The following PTPRK variants were observed in gnomAD, a reference collection of about 807,000 sequenced individuals.
The protein encoded by PTPRK is protein tyrosine phosphatase receptor type K.
PTPRK carries 75 observed loss-of-function variants against 178.0 expected under a neutral mutation model. The observed-to-expected ratio is 0.42, with a 90% confidence interval of 0.35 to 0.51. The LOEUF is 0.51. PTPRK is among the 20% of genes least tolerant of loss of function. PTPRK has a pLI of 0.02. For synonymous variants in PTPRK, 637 were observed against 620.6 expected (o/e 1.03, Z -0.39); for missense variants, 1,441 against 1,797.8 (o/e 0.80, Z 3.59).
chr6:128,165,899 T>TA (rs1211801758), intron 7 of PTPRK, among the ~76,000 whole-genome samples: 3 of 151,594 alleles, frequency 2.0e-5, no homozygotes, highest in East Asian at 3.9e-4. Flanking sequence ...AACATATACG[T>TA]AAAAAACATT....
intron 1 of PTPRK, among the ~76,000 whole-genome samples, chr6:128,410,969 G>T (rs751169480): frequency 1.3e-5 from 2 of 152,180 alleles, no homozygotes; most frequent in Non-Finnish European, 2.9e-5. Context: ...TTGGCTCACT[G>T]CAGCCTCAAC....
chr6:127,998,609 C>G (rs1777451806), intron 16 of PTPRK, 111 bp downstream of exon 16: 1 of 807,240 alleles, frequency 1.2e-6, no homozygotes, highest in African/African-American at 1.8e-5. Context: ...GATTAGAGAG[C>G]CTATAGAACA....
chr6:128,370,635 G>T lies in PTPRK; in HGVS notation c.223+26931C>A, dbSNP rs183793407. ...TAAAACTGTTAGGTTTTAAATTCAG[G>T]ATTATCACATGATAGTTCAAATTTT... is the stretch of plus-strand genomic sequence containing the variant. On this transcript the variant is annotated intron_variant, in intron 2 of 29. Coordinates refer to ENST00000368226, the MANE Select transcript of PTPRK (RefSeq NM_002844.4). Among the ~76,000 whole-genome samples, 83 of 151,960 alleles carry T rather than the reference G, an allele frequency of 5.5e-4. 1 individual carries two copies. Among genetic ancestry groups the T allele is most frequent in the Admixed American group, 9.2e-4 (14 of 15,264 alleles).
chr6:128,033,824 T>C (rs1288654606), intron 13 of PTPRK, among the ~76,000 whole-genome samples: 1 of 151,720 alleles, frequency 6.6e-6, no homozygotes, highest in African/African-American at 2.4e-5. Context: ...TAGTTAGCTA[T>C]AACACTCTAG....
At chr6:128,429,414 T>G (rs1460825275) in intron 1 of PTPRK, among the ~76,000 whole-genome samples, 1 of 152,176 alleles carries the variant, frequency 6.6e-6, no homozygotes, top group Non-Finnish European at 1.5e-5. Flanking sequence ...GCCTATGACC[T>G]CCAGGTGACT....
intron 3 of PTPRK, among the ~76,000 whole-genome samples, chr6:128,284,660 A>G (rs1415126964): frequency 6.6e-6 from 1 of 152,238 alleles, no homozygotes; most frequent in Non-Finnish European, 1.5e-5. Context: ...TACAGAAAAG[A>G]TGCATTTATA....
At chr6:128,136,479 C>T (rs1795032251) in intron 7 of PTPRK, among the ~76,000 whole-genome samples, 1 of 151,970 alleles carries the variant, frequency 6.6e-6, no homozygotes, top group Non-Finnish European at 1.5e-5. Context: ...TAGGCTCTTA[C>T]TTTTGATTCA....
chr6:128,383,854 A>G (rs1838302803), intron 2 of PTPRK, among the ~76,000 whole-genome samples: 1 of 152,224 alleles, frequency 6.6e-6, no homozygotes, highest in African/African-American at 2.4e-5. Context: ...CAAAATCATT[A>G]GTAGATTACA....
At chr6:128,426,100 T>C (rs561168924) in intron 1 of PTPRK, among the ~76,000 whole-genome samples, 24 of 152,226 alleles carry the variant, frequency 1.6e-4, no homozygotes, top group Non-Finnish European at 3.5e-4. Context: ...ACTAGTATTC[T>C]TGGTGAAATA....
At chr6:128,203,957 A>T (rs779901617) in intron 6 of PTPRK, among the ~76,000 whole-genome samples, 2 of 152,186 alleles carry the variant, frequency 1.3e-5, no homozygotes, top group Admixed American at 1.3e-4. Flanking sequence ...AAAAGATCCT[A>T]AATAGCCAAG....
At chr6:128,133,903 A>G (rs1794631902) in intron 7 of PTPRK, among the ~76,000 whole-genome samples, 1 of 152,160 alleles carries the variant, frequency 6.6e-6, no homozygotes, top group Non-Finnish European at 1.5e-5. Flanking sequence ...GGGCCCTCAC[A>G]TATTTATGGC....
At position 127,990,778 on chromosome 6, in the gene PTPRK, G is replaced by A; in HGVS notation, c.3087C>T (p.Thr1029=). 1.3e-6 allele frequency: 2 copies of A among 1,595,710 alleles called. No homozygotes were observed. The highest frequency in any genetic ancestry group is 1.7e-6 in the Non-Finnish European group (2 of 1,164,334). The change falls in exon 21 of 30, where the codon ACC becomes ACT. Residue 1029 remains threonine, a synonymous_variant. Coordinates refer to ENST00000368226, the MANE Select transcript of PTPRK (RefSeq NM_002844.4). ...PLAEYVVRTF[T]LERRGYNEIR... ...ATTTTAGAGTACTTACCCTTTCCAG[G>A]GTGAATGTCCTAACTACATATTCAG... is the stretch of plus-strand genomic sequence containing the variant.
At chr6:128,120,307 T>C (rs974047115) in intron 7 of PTPRK, among the ~76,000 whole-genome samples, 9 of 151,986 alleles carry the variant, frequency 5.9e-5, no homozygotes, top group African/African-American at 2.2e-4. Flanking sequence ...AGGTATTCTA[T>C]GTAGGACAGC....
At chr6:128,156,165 A>G (rs1797911584) in intron 7 of PTPRK, among the ~76,000 whole-genome samples, 1 of 151,952 alleles carries the variant, frequency 6.6e-6, no homozygotes, top group Non-Finnish European at 1.5e-5. Flanking sequence ...ATAAAGTTGA[A>G]ATTCCCAATA....
At chr6:128,034,687 G>A (rs1775916526) in intron 13 of PTPRK, among the ~76,000 whole-genome samples, 2 of 152,156 alleles carry the variant, frequency 1.3e-5, no homozygotes, top group African/African-American at 4.8e-5. Flanking sequence ...GAATGGAGTA[G>A]TTGTATGAGA....
intron 13 of PTPRK, among the ~76,000 whole-genome samples, chr6:128,017,163 A>T (rs1013810028): frequency 6.6e-6 from 1 of 152,010 alleles, no homozygotes; most frequent in Admixed American, 6.6e-5. Context: ...GTTATTTTTA[A>T]ATTTGAACAA....
At chr6:128,453,921 C>G (rs920337550) in intron 1 of PTPRK, among the ~76,000 whole-genome samples, 1 of 152,080 alleles carries the variant, frequency 6.6e-6, no homozygotes, top group Admixed American at 6.6e-5. Flanking sequence ...AACCAAATAG[C>G]CCTGGCAGGT....
intron 5 of PTPRK, chr6:128,238,283 A>G (rs887011945): frequency 8.1e-6 from 3 of 368,382 alleles, no homozygotes; most frequent in Non-Finnish European, 1.0e-5. Flanking sequence ...CATCTTTGCT[A>G]CAAAAATGGC....
intron 5 of PTPRK, 118 bp downstream of exon 5, chr6:128,239,917 A>G (rs1814077839): frequency 4.7e-6 from 3 of 640,980 alleles, no homozygotes; most frequent in Middle Eastern, 2.6e-4. Flanking sequence ...GTCCCACTAC[A>G]TGCGTGTGCA....
Sources: allele counts gnomAD v4.1 joint callset (sites outside exome capture counted in the v4.1 genomes callset), GRCh38; gene constraint gnomAD v4.1.1; transcripts MANE v1.5; gene names NCBI Gene and HGNC (gene_info 2026-07-23, HGNC 2026-07-21).